The following ACLY variants were observed in gnomAD, a reference collection of about 807,000 sequenced individuals.
ACLY encodes the protein ATP citrate lyase.
A neutral mutation model predicts 133.0 loss-of-function variants in ACLY; 41 were observed. The ratio of observed to expected loss-of-function variants is 0.31; its 90% CI spans 0.24 to 0.40. The LOEUF (loss-of-function observed/expected upper bound fraction) is 0.40, where lower values mean the gene tolerates loss of function less well. Among genes scored for constraint, ACLY ranks in the 10% least tolerant of loss-of-function variants. The probability of loss-of-function intolerance (pLI) is 1.00; values close to 1 mark genes in which losing one functional copy is unlikely to be tolerated. For missense variants in ACLY, 1,046 were observed against 1,453.8 expected, an observed-to-expected ratio of 0.72 and a Z score of 4.56; for synonymous variants, 495 against 549.3, an observed-to-expected ratio of 0.90 and a Z score of 1.38.
At chr17:41,904,910 G>A in intron 9 of ACLY, 120 bp from the exon 10 acceptor site, 3 of 891,840 alleles carry the variant, frequency 3.4e-6, no homozygotes, top group Non-Finnish European at 5.4e-6. Context: ...CTGCCAGGAG[G>A]TACTGGGGAG....
At chr17:41,922,927 C>G (rs1187499002), upstream of ACLY, among the ~76,000 whole-genome samples, 1 of 152,222 alleles carries the variant, frequency 6.6e-6, no homozygotes, top group Admixed American at 6.5e-5. Context: ...AACGCCCAGC[C>G]TCCTCAAGTA....
intron 23 of ACLY, among the ~76,000 whole-genome samples, chr17:41,873,082 G>A (rs559527113): frequency 3.3e-4 from 51 of 152,250 alleles, no homozygotes; most frequent in African/African-American, 1.1e-3. Context: ...TCAGTCCCAC[G>A]GGAGGGCTAA....
intron 11 of ACLY, among the ~76,000 whole-genome samples, chr17:41,900,701 G>A (rs2049513749): frequency 6.6e-6 from 1 of 151,852 alleles, no homozygotes; most frequent in Non-Finnish European, 1.5e-5. Context: ...CTCAAGTCTG[G>A]GTGACAAAGC....
chr17:41,884,124 A>T, intron 19 of ACLY, 69 bp downstream of exon 19: 1 of 974,884 alleles, frequency 1.0e-6, no homozygotes, highest in Non-Finnish European at 1.6e-6. Context: ...AAAATGTTTT[A>T]ATTTTTTGAA....
chr17:41,891,389 TCATTTATTTATTTAA>T (rs1555629251), intron 16 of ACLY, among the ~76,000 whole-genome samples: 2 of 151,620 alleles, frequency 1.3e-5, no homozygotes, highest in Admixed American at 6.6e-5. Flanking sequence ...CTGAGCCACC[TCATTTATTTATTTAA>T]CATTTATTTA....
At chr17:41,930,376 A>G (rs1399141291) in exon 1 of ACLY, 2 of 250,634 alleles carry the variant, frequency 8.0e-6, no homozygotes, top group East Asian at 2.0e-4. Flanking sequence ...CCTCATCCCT[A>G]TTCGGAACTT....
At chr17:41,877,395 G>A (rs2048790755) in intron 22 of ACLY, among the ~76,000 whole-genome samples, 1 of 151,144 alleles carries the variant, frequency 6.6e-6, no homozygotes, top group African/African-American at 2.4e-5. Context: ...CGCCCACCCT[G>A]GCCTCCCAAA....
chr17:41,908,429 C>CT lies in ACLY; in HGVS notation c.616+559dup, dbSNP rs149292965. Among the ~76,000 whole-genome samples, 899 of 152,356 alleles carry CT rather than the reference C, an allele frequency of 5.9e-3. 7 individuals carry two copies. The highest frequency in any genetic ancestry group is 0.021 in the African/African-American group (868 of 41,582). On this transcript the variant is annotated intron_variant, in intron 6 of 28. Coordinates refer to ENST00000352035, the MANE Select transcript of ACLY (RefSeq NM_001096.3). The stretch of plus-strand genomic sequence containing the variant: ...TGCCCACCTCCTGCTGTCAGAAAGC[C>CT]TGACCTGGCGGGAGGAGCAGAAGCA...
chr17:41,919,506 C>A (rs910323924), upstream of ACLY, among the ~76,000 whole-genome samples: 4 of 152,222 alleles, frequency 2.6e-5, no homozygotes, highest in Non-Finnish European at 4.4e-5. Flanking sequence ...CCTGGACTCT[C>A]CCCACTGGGC....
Position 41,897,741 on chromosome 17 carries a change from G to A in ACLY, c.1429+8C>T, listed in dbSNP as rs1555630673. The A allele has an allele frequency of 6.2e-7, 1 of 1,612,908 alleles. No individual in the cohort carries two copies. On this transcript the variant is annotated splice_region_variant and intron_variant, in intron 13 of 28. Coordinates refer to ENST00000352035, the MANE Select transcript of ACLY (RefSeq NM_001096.3). ...CCCTGCAACATGCCTGAAGCCTCAG[G>A]GAGTTACCTTGTGGCATGGCAGGCT...
At chr17:41,921,029 G>A (rs1555635356), upstream of ACLY, among the ~76,000 whole-genome samples, 1 of 151,718 alleles carries the variant, frequency 6.6e-6, no homozygotes, top group Non-Finnish European at 1.5e-5. Flanking sequence ...AGGAGGCGGA[G>A]GCAGGAGAAT....
upstream of ACLY, among the ~76,000 whole-genome samples, chr17:41,919,200 C>G (rs1471699256): frequency 6.6e-6 from 1 of 152,116 alleles, no homozygotes; most frequent in Non-Finnish European, 1.5e-5. Flanking sequence ...GGGGCGGGGC[C>G]CCGGGTGGGG....
At position 41,907,505 on chromosome 17, in the gene ACLY, G is replaced by A. The variant is rs1555632893; in HGVS notation, c.684C>T (p.Ile228=). 1.9e-6 allele frequency: 3 copies of A among 1,613,886 alleles called. No individual in the cohort carries two copies. The highest frequency in any genetic ancestry group is 2.7e-5 in the African/African-American group (2 of 74,866). The change falls in exon 7 of 29, where the codon ATC becomes ATT. Residue 228 remains isoleucine, a synonymous_variant. Coordinates refer to ENST00000352035, the MANE Select transcript of ACLY (RefSeq NM_001096.3). ...CGATGTCACCCCACTTCACTTTGCA[G>A]ATGTAGTCGGCAGTGGCGTCCACCT... is the stretch of plus-strand genomic sequence containing the variant. ...AAKVDATADY[I]CKVKWGDIEF...
chr17:41,869,706 C>T, intron 25 of ACLY, 119 bp from the exon 26 acceptor site: 1 of 731,234 alleles, frequency 1.4e-6, no homozygotes. Flanking sequence ...AGGAACCTGG[C>T]CCACGTGTAC....
At chr17:41,889,567 A>G (rs1215413091) in intron 16 of ACLY, among the ~76,000 whole-genome samples, 1 of 136,936 alleles carries the variant, frequency 7.3e-6, no homozygotes, top group African/African-American at 2.6e-5. Context: ...GAAGTAGCTC[A>G]TTTTCAGCAA....
At chr17:41,883,058 C>T in intron 20 of ACLY, 64 bp downstream of exon 20, 13 of 1,298,132 alleles carry the variant, frequency 1.0e-5, no homozygotes, top group Non-Finnish European at 1.4e-5. Flanking sequence ...TTACCTGGTT[C>T]GCCTCAAATG....
chr17:41,919,020 C>T (rs889073646), upstream of ACLY: 4 of 1,285,502 alleles, frequency 3.1e-6, no homozygotes, highest in Non-Finnish European at 4.1e-6. Context: ...CCCATCGGCT[C>T]GCGGCGAGAA....
chr17:41,896,655 A>G lies in ACLY; in HGVS notation c.1430-6T>C. On this transcript the variant is annotated splice_polypyrimidine_tract_variant and splice_region_variant and intron_variant, in intron 13 of 28. Transcript: ENST00000352035. ...TCTTGGACTTGGGACTGAATCTGTC[A>G]AAGAAAATGACCAAGGCAACTGAGT... 1 of 1,572,946 alleles carries G rather than the reference A, an allele frequency of 6.4e-7. No homozygotes were observed. The highest frequency in any genetic ancestry group is 8.6e-7 in the Non-Finnish European group (1 of 1,157,730).
intron 15 of ACLY, 92 bp from the exon 16 acceptor site, chr17:41,892,539 G>T: frequency 8.5e-7 from 1 of 1,181,570 alleles, no homozygotes; most frequent in Non-Finnish European, 1.2e-6. Flanking sequence ...CTAGAAGATA[G>T]AAAAGGCATG....
Sources: gnomAD v4.1 joint callset for allele counts (sites outside exome capture counted in the v4.1 genomes callset) on GRCh38, gnomAD v4.1.1 for gene constraint, MANE v1.5 for transcripts, NCBI Gene and HGNC (gene_info 2026-07-23, HGNC 2026-07-21) for gene names.